Variants in SUMF1 observed in about 807,000 individuals in gnomAD.
The protein encoded by SUMF1 is sulfatase modifying factor 1.
A neutral mutation model predicts 47.6 loss-of-function variants in SUMF1; 48 were observed. The observed-to-expected ratio is 1.01, with a 90% CI of 0.80 to 1.28. The LOEUF is 1.28. SUMF1 is among the 50% of genes most tolerant of loss of function. SUMF1 has a pLI of 0.00. For synonymous variants in SUMF1, 230 were observed against 192.1 expected, an observed-to-expected ratio of 1.20 and a Z score of -1.63; for missense variants, 571 against 485.4, an observed-to-expected ratio of 1.18 and a Z score of -1.66.
intron 8 of SUMF1, among the ~76,000 whole-genome samples, chr3:4,130,373 G>A (rs775671707): frequency 2.0e-5 from 3 of 152,164 alleles, no homozygotes; most frequent in Non-Finnish European, 4.4e-5. Flanking sequence ...AGCAAGGCCA[G>A]CAATATACGT....
chr3:4,043,593 C>T (rs1008183727), intron 9 of SUMF1, among the ~76,000 whole-genome samples: 2 of 152,022 alleles, frequency 1.3e-5, no homozygotes, highest in Non-Finnish European at 2.9e-5. Context: ...TTTACCAGTT[C>T]TCTATTAATT....
chr3:4,267,049 C>T (rs1697210299), intron 8 of SUMF1, among the ~76,000 whole-genome samples: 1 of 152,148 alleles, frequency 6.6e-6, no homozygotes, highest in African/African-American at 2.4e-5. Flanking sequence ...GCATATTGAA[C>T]CAGCCTTGCA....
intron 8 of SUMF1, among the ~76,000 whole-genome samples, chr3:4,199,884 CAT>C (rs1403040745): frequency 1.3e-5 from 2 of 152,090 alleles, no homozygotes; most frequent in Admixed American, 6.5e-5. Context: ...TTTTATCAAA[CAT>C]ATAATTTTCA....
In SUMF1 at chr3:4,452,960, A is replaced by T; in HGVS notation, c.360T>A (p.Thr120=). 1 of 1,614,234 alleles carries T rather than the reference A, an allele frequency of 6.2e-7. No homozygotes were observed. The highest frequency in any genetic ancestry group is 8.5e-7 in the Non-Finnish European group (1 of 1,180,046). Reference sequence around the variant, plus strand: ...AGGCATCCATGTAAAAGGCATCAATAGTAACTCTCCTCGCAGGTGCTTCCC... The same window carrying T: ...AGGCATCCATGTAAAAGGCATCAATTGTAACTCTCCTCGCAGGTGCTTCCC... The part of the protein sequence containing the change: ...QDGEAPARRV[T]IDAFYMDAYE... The change falls in exon 2 of 9, where the codon ACT becomes ACA. Residue 120 remains threonine (T), a synonymous_variant. Transcript: ENST00000272902.
At chr3:4,460,790 G>A (rs1201812165) in intron 1 of SUMF1, among the ~76,000 whole-genome samples, 1 of 151,754 alleles carries the variant, frequency 6.6e-6, no homozygotes, top group Non-Finnish European at 1.5e-5. Flanking sequence ...CTACGCAGCT[G>A]GCACTACAGG....
chr3:4,208,905 A>T (rs1695714037), intron 8 of SUMF1, among the ~76,000 whole-genome samples: 1 of 152,140 alleles, frequency 6.6e-6, no homozygotes, highest in Non-Finnish European at 1.5e-5. Context: ...GACTCAGATT[A>T]ATATTTTGTT....
chr3:4,269,476 A>T (rs568651537), intron 8 of SUMF1, among the ~76,000 whole-genome samples: 11 of 152,344 alleles, frequency 7.2e-5, no homozygotes, highest in African/African-American at 2.4e-4. Flanking sequence ...GCTAGTCATG[A>T]ATCATAATTA....
chr3:4,190,780 G>A (rs1407247711), intron 8 of SUMF1, among the ~76,000 whole-genome samples: 1 of 152,074 alleles, frequency 6.6e-6, no homozygotes, highest in East Asian at 1.9e-4. Context: ...CAAAAAATAA[G>A]CCACCATGCC....
At chr3:4,456,650 ATG>A (rs763212693) in intron 1 of SUMF1, among the ~76,000 whole-genome samples, 2,394 of 119,144 alleles carry the variant, frequency 0.02, 126 homozygotes, top group African/African-American at 0.069. Flanking sequence ...ATATATATAT[ATG>A]TGTGTGTATA....
intron 8 of SUMF1, among the ~76,000 whole-genome samples, chr3:4,263,122 A>G (rs1240978669): frequency 6.6e-6 from 1 of 152,206 alleles, no homozygotes; most frequent in African/African-American, 2.4e-5. Flanking sequence ...AAATGGAGAT[A>G]TGATCATGTA....
intron 8 of SUMF1, among the ~76,000 whole-genome samples, chr3:4,287,543 T>C (rs563393977): frequency 2.9e-4 from 44 of 152,294 alleles, no homozygotes; most frequent in African/African-American, 1.0e-3. Flanking sequence ...TTTTCACTGG[T>C]ATTTGCTTAG....
At chr3:4,211,545 C>T (rs543489826) in intron 8 of SUMF1, among the ~76,000 whole-genome samples, 6 of 152,014 alleles carry the variant, frequency 3.9e-5, no homozygotes, top group Middle Eastern at 3.4e-3. Context: ...ATCTTCATGA[C>T]CTTGAGGTAA....
chr3:4,351,703 A>T (rs978613597), intron 8 of SUMF1, among the ~76,000 whole-genome samples: 1 of 152,116 alleles, frequency 6.6e-6, no homozygotes, highest in Non-Finnish European at 1.5e-5. Flanking sequence ...GTGGGGAGGG[A>T]GGTGTGATGG....
chr3:4,418,376 T>G (rs1701786832), intron 4 of SUMF1, among the ~76,000 whole-genome samples: 1 of 152,218 alleles, frequency 6.6e-6, no homozygotes, highest in South Asian at 2.1e-4. Context: ...CTTCACTTTG[T>G]AGGCTCGGAT....
intron 8 of SUMF1, among the ~76,000 whole-genome samples, chr3:4,194,725 C>G (rs969465650): frequency 6.6e-6 from 1 of 152,086 alleles, no homozygotes; most frequent in African/African-American, 2.4e-5. Flanking sequence ...TCATCATTAC[C>G]AGAATTATTC....
intron 8 of SUMF1, among the ~76,000 whole-genome samples, chr3:4,218,594 G>A (rs1446006762): frequency 6.6e-6 from 1 of 152,130 alleles, no homozygotes; most frequent in East Asian, 1.9e-4. Flanking sequence ...ATTCAGCGCA[G>A]AGCAAATCTG....
intron 8 of SUMF1, among the ~76,000 whole-genome samples, chr3:4,102,873 G>A (rs1693067729): frequency 6.6e-6 from 1 of 151,554 alleles, no homozygotes; most frequent in Non-Finnish European, 1.5e-5. Context: ...AGAAGAGAGA[G>A]GAAAGGAGAA....
rs150502696 is a variant in SUMF1 at position 4,271,269 on chromosome 3, C to T, written c.1014+105061G>A. Among the ~76,000 whole-genome samples the T allele has an allele frequency of 9.1e-4, 139 of 152,120 alleles. 1 individual carries two copies. Among genetic ancestry groups the T allele is most frequent in the Admixed American group, 5.4e-3 (82 of 15,282 alleles). ...AAAGGAGCAAGGTATAATAAAAAGG[C>T]ATTTGACCAAATTTCAGACTTGTTT... On this transcript the variant is annotated intron_variant and NMD_transcript_variant, in intron 8 of 12. Coordinates refer to the SUMF1 transcript ENST00000448413.
intron 8 of SUMF1, among the ~76,000 whole-genome samples, chr3:4,153,747 A>G (rs1352025837): frequency 6.6e-6 from 1 of 151,566 alleles, no homozygotes; most frequent in Non-Finnish European, 1.5e-5. Context: ...TGTAAAACAT[A>G]TTCCATTTCT....
Sources: gnomAD v4.1 joint callset for allele counts (sites outside exome capture counted in the v4.1 genomes callset) on GRCh38, gnomAD v4.1.1 for gene constraint, MANE v1.5 for transcripts, NCBI Gene and HGNC (gene_info 2026-07-23, HGNC 2026-07-21) for gene names.